The following WASHC2A variants were observed in gnomAD, a reference collection of about 807,000 sequenced individuals.
The protein encoded by WASHC2A is WASH complex subunit FAM21A.
A neutral mutation model predicts 140.3 loss-of-function variants in WASHC2A; 82 were observed. The observed-to-expected ratio is 0.58, with a 90% CI of 0.49 to 0.70. The LOEUF is 0.70. WASHC2A is among the 30% of genes least tolerant of loss of function. The pLI, the probability that WASHC2A is intolerant of heterozygous loss-of-function variation, is 0.00. For missense variants in WASHC2A, 985 were observed against 1,521.8 expected (o/e 0.65, Z 5.87); for synonymous variants, 340 against 560.8 (o/e 0.61, Z 5.56).
chr10:50,078,993 G>GGCCCTTT (rs1838640346), intron 4 of WASHC2A, among the ~76,000 whole-genome samples: 1 of 151,440 alleles, frequency 6.6e-6, no homozygotes, highest in Non-Finnish European at 1.5e-5. Flanking sequence ...GGGCCAGATA[G>GGCCCTTT]TACATATTAC....
At position 50,095,606 on chromosome 10, in the gene WASHC2A, G is replaced by T. The variant is rs781980747; in HGVS notation, c.1248G>T (p.Thr416=). ...TTGTCTTTCCACCCACAGGAGACACGGATGTGTTTGGTGCTGCCTCCGTTC... is the reference window on the plus strand; with the variant it reads ...TTGTCTTTCCACCCACAGGAGACACTGATGTGTTTGGTGCTGCCTCCGTTC... ...AGAVSVFLGD[T]DVFGAASVPS... Residue 416 remains threonine, a synonymous_variant, in exon 15 of 31, where the codon ACG becomes ACT. Coordinates refer to ENST00000282633, the MANE Select transcript of WASHC2A (RefSeq NM_001005751.3). 6.2e-6 allele frequency: 10 copies of T among 1,611,818 alleles called. No individual in the cohort carries two copies. The South Asian group carries it at 1.1e-4, about 18-fold the overall frequency.
intron 10 of WASHC2A, 24 bp downstream of exon 10, chr10:50,091,542 G>C: frequency 6.5e-7 from 1 of 1,549,592 alleles, no homozygotes; most frequent in Non-Finnish European, 8.7e-7. Context: ...GCGTTGATGG[G>C]GAGTAGGGGG....
Position 50,129,678 on chromosome 10 carries a change from T to C in WASHC2A, c.3347T>C (p.Phe1116Ser). 1 of 1,612,064 alleles carries C rather than the reference T, an allele frequency of 6.2e-7. No homozygotes were observed. The highest frequency in any genetic ancestry group is 8.5e-7 in the Non-Finnish European group (1 of 1,179,870). ...GTGCCTGGAGTGGACAGAAGCCCCT[T>C]TGCAAAGTCTCTGGGTCATTCCAGA... Reference protein sequence around the residue: ...GPVPGVDRSPFAKSLGHSRGE... With the variant: ...GPVPGVDRSPSAKSLGHSRGE... The change falls in exon 29 of 31, where the codon TTT (phenylalanine) becomes TCT (serine). Residue 1116 changes from phenylalanine to serine, a missense_variant. Physicochemically the swap from Phe to Ser is radical, Grantham distance 155 (BLOSUM62 -2). Transcript: ENST00000282633.
At chr10:50,094,034 T>A in intron 13 of WASHC2A, 117 bp downstream of exon 13, 1 of 1,512,670 alleles carries the variant, frequency 6.6e-7, no homozygotes, top group Non-Finnish European at 9.1e-7. Context: ...CAGGAAGCTG[T>A]TGTTTTTACT....
chr10:50,086,975 C>CT (rs1237035030), intron 7 of WASHC2A, among the ~76,000 whole-genome samples: 2 of 136,236 alleles, frequency 1.5e-5, no homozygotes, highest in East Asian at 3.9e-4. Flanking sequence ...ATGTGCAACT[C>CT]TTTAAATCCA....
In WASHC2A at chr10:50,081,791, C is replaced by T. The variant is rs1838911164; in HGVS notation, c.528+860C>T. Among the ~76,000 whole-genome samples the T allele has an allele frequency of 3.3e-5, 5 of 151,928 alleles. No homozygotes were observed. The South Asian group carries it at 8.3e-4, about 25-fold the overall frequency. On this transcript the variant is annotated intron_variant, in intron 5 of 30. Coordinates refer to ENST00000282633, the MANE Select transcript of WASHC2A (RefSeq NM_001005751.3). Reference sequence around the variant, plus strand: ...GGGATTACAGGCGCCCACCACCACACCCAGCTAATTTTTGTATTTTTAGTA... The same window carrying T: ...GGGATTACAGGCGCCCACCACCACATCCAGCTAATTTTTGTATTTTTAGTA...
Position 50,106,464 on chromosome 10 carries a change from A to G in WASHC2A, c.1868A>G (p.Glu623Gly), listed in dbSNP as rs1210025930. The change falls in exon 19 of 31, where the codon GAG becomes GGG. Residue 623 changes from glutamate (E) to glycine (G), a missense_variant and splice_region_variant. By Grantham distance (98) the Glu-to-Gly change is moderately conservative. Coordinates refer to ENST00000282633, the MANE Select transcript of WASHC2A (RefSeq NM_001005751.3). ...ASALLFSSDE[E>G]DQWNIPASQT... ...GCCCTGTTGTTCAGCAGTGATGAGGAGGTGAGCTGAGGTTTCTGCTAAAGA... is the reference window on the plus strand; with the variant it reads ...GCCCTGTTGTTCAGCAGTGATGAGGGGGTGAGCTGAGGTTTCTGCTAAAGA... 2.5e-6 allele frequency: 4 copies of G among 1,601,694 alleles called. No individual in the cohort carries two copies. Among genetic ancestry groups the G allele is most frequent in the Non-Finnish European group, 3.4e-6 (4 of 1,175,098 alleles).
chr10:50,083,778 C>CA (rs1416581378), intron 5 of WASHC2A, among the ~76,000 whole-genome samples: 3 of 121,808 alleles, frequency 2.5e-5, no homozygotes, highest in Non-Finnish European at 5.1e-5. Flanking sequence ...AGGCTGGTCT[C>CA]AAACTCCTGA....
Position 50,091,427 on chromosome 10 carries a change from G to A in WASHC2A, c.844-4G>A. 6.5e-7 allele frequency: 1 copy of A among 1,549,402 alleles called. No individual in the cohort carries two copies. Among genetic ancestry groups the A allele is most frequent in the East Asian group, 2.4e-5 (1 of 40,954 alleles). On this transcript the variant is annotated splice_region_variant and splice_polypyrimidine_tract_variant and intron_variant, in intron 9 of 30. Coordinates refer to ENST00000282633, the MANE Select transcript of WASHC2A (RefSeq NM_001005751.3). ...AGCGATTCTTTTGATTTCTCCTGCT[G>A]TAGAAAAGAAGCAGACCTACATCGT...
chr10:50,102,470 G>T (rs1841294145), intron 17 of WASHC2A, among the ~76,000 whole-genome samples: 1 of 152,184 alleles, frequency 6.6e-6, no homozygotes, highest in Non-Finnish European at 1.5e-5. Flanking sequence ...TCTTAGAACA[G>T]CAGAACCCTT....
At chr10:50,082,211 T>A (rs2669676) in intron 5 of WASHC2A, among the ~76,000 whole-genome samples, 84,218 of 141,794 alleles carry the variant, frequency 0.59, 25,167 homozygotes, top group Middle Eastern at 0.69. Flanking sequence ...GGATTTGGGG[T>A]TGTCTTCTGA....
intron 2 of WASHC2A, 180 bp from the exon 3 acceptor site, chr10:50,069,367 C>T: frequency 3.3e-6 from 3 of 904,298 alleles, no homozygotes; most frequent in South Asian, 2.2e-5. Flanking sequence ...TGCAGTGAGC[C>T]GAGATGGCGC....
At chr10:50,090,515 A>AAATATATATATATATTT (rs1214596899) in intron 8 of WASHC2A, among the ~76,000 whole-genome samples, 1 of 108,766 alleles carries the variant, frequency 9.2e-6, no homozygotes, top group Admixed American at 1.2e-4. Flanking sequence ...AAAAAAAAAA[A>AAATATATATATATATTT]ATATATATAT....
rs532056822 is a variant in WASHC2A at position 50,092,625 on chromosome 10, C to A, written c.1003+392C>A. Among the ~76,000 whole-genome samples the A allele has an allele frequency of 2.2e-4, 33 of 152,040 alleles. No individual in the cohort carries two copies. The East Asian group carries it at 6.5e-3, about 30-fold the overall frequency. Reference sequence around the variant, plus strand: ...TGAGCCTTGATCGCGCCACTGCATTCCAGCCCAGGTGATGGTGTGAGACTC... The same window carrying A: ...TGAGCCTTGATCGCGCCACTGCATTACAGCCCAGGTGATGGTGTGAGACTC... On this transcript the variant is annotated intron_variant, in intron 11 of 30. Transcript: ENST00000282633.
At position 50,090,512 on chromosome 10, in the gene WASHC2A, A is replaced by T. The variant is rs1208432362; in HGVS notation, c.733-264A>T. Among the ~76,000 whole-genome samples the T allele has an allele frequency of 2.6e-3, 300 of 115,616 alleles. 2 individuals carry two copies. Among genetic ancestry groups the T allele is most frequent in the South Asian group, 2.9e-3 (10 of 3,504 alleles). The allele number at this position is 115,616 out of a possible 152,430, so 75.8% of individuals were successfully genotyped here. On this transcript the variant is annotated intron_variant, in intron 8 of 30. Transcript: ENST00000282633. ...AGCTAGACTCCATCTCAAAAAAAAA[A>T]AAAATATATATATATATATTTATAT... is the stretch of plus-strand genomic sequence containing the variant.
At chr10:50,115,943 C>T (rs1307317094) in intron 21 of WASHC2A, among the ~76,000 whole-genome samples, 2 of 152,002 alleles carry the variant, frequency 1.3e-5, no homozygotes, top group Admixed American at 6.5e-5. Flanking sequence ...TGGTGGAACC[C>T]CATCTCTATT....
chr10:50,091,586 A>G, intron 10 of WASHC2A, 68 bp downstream of exon 10: 2 of 1,518,764 alleles, frequency 1.3e-6, no homozygotes, highest in Non-Finnish European at 1.8e-6. Flanking sequence ...GGCTTCACCA[A>G]AGGCGGATTT....
intron 4 of WASHC2A, among the ~76,000 whole-genome samples, chr10:50,080,298 T>C (rs1838781843): frequency 6.6e-6 from 1 of 150,916 alleles, no homozygotes; most frequent in Non-Finnish European, 1.5e-5. Flanking sequence ...TGTCCAGTAT[T>C]TTTTTTTTGT....
At chr10:50,071,032 C>CAA (rs538387258) in intron 3 of WASHC2A, among the ~76,000 whole-genome samples, 2 of 81,696 alleles carry the variant, frequency 2.4e-5, no homozygotes, top group Non-Finnish European at 5.5e-5. Flanking sequence ...AACTCCGTCT[C>CAA]AAAAAAAAAA....
Sources: allele counts gnomAD v4.1 joint callset (sites outside exome capture counted in the v4.1 genomes callset), GRCh38; gene constraint gnomAD v4.1.1; transcripts MANE v1.5; gene names NCBI Gene and HGNC (gene_info 2026-07-23, HGNC 2026-07-21).